The following FNBP1L variants were observed in gnomAD, a reference collection of about 807,000 sequenced individuals.
The protein encoded by FNBP1L is formin binding protein 1 like, also known as formin-binding protein 1-like.
Under a neutral mutation model 91.2 loss-of-function variants are expected in FNBP1L, and 36 were observed. The ratio of observed to expected loss-of-function variants is 0.39; its 90% CI spans 0.30 to 0.52. The LOEUF is 0.52. Ranked by LOEUF, FNBP1L falls within the 20% of genes least tolerant of loss-of-function variation. FNBP1L has a pLI of 0.66. For missense variants in FNBP1L, 571 were observed against 732.1 expected (o/e 0.78, Z 2.54); for synonymous variants, 242 against 237.0 (o/e 1.02, Z -0.19).
At chr1:93,516,322 A>G (rs1330241537) in intron 2 of FNBP1L, among the ~76,000 whole-genome samples, 9 of 152,156 alleles carry the variant, frequency 5.9e-5, no homozygotes, top group African/African-American at 2.4e-5. Context: ...TCTGCAGTCA[A>G]ATGCTCTACC....
At chr1:93,541,431 T>C (rs1255016494) in intron 11 of FNBP1L, among the ~76,000 whole-genome samples, 1 of 152,184 alleles carries the variant, frequency 6.6e-6, no homozygotes, top group Non-Finnish European at 1.5e-5. Flanking sequence ...ATAAATTTGA[T>C]TTGTAGTTTT....
chr1:93,502,524 C>G (rs868101993), intron 2 of FNBP1L, among the ~76,000 whole-genome samples: 8 of 152,102 alleles, frequency 5.3e-5, no homozygotes, highest in African/African-American at 1.7e-4. Context: ...AAATGGCAGA[C>G]TTGTTTGCCT....
chr1:93,544,239 C>G, intron 12 of FNBP1L, 23 bp downstream of exon 12: 2 of 1,539,178 alleles, frequency 1.3e-6, no homozygotes, highest in East Asian at 2.3e-5. Context: ...TAAGTTTTCT[C>G]TATCATTATT....
intron 2 of FNBP1L, among the ~76,000 whole-genome samples, chr1:93,515,656 A>G (rs369176965): frequency 0.028 from 4,172 of 151,274 alleles, 178 homozygotes; most frequent in African/African-American, 0.093. Context: ...TCAGTAAACT[A>G]TCGCAAGCAC....
chr1:93,516,359 T>TA (rs1192971111), intron 2 of FNBP1L, among the ~76,000 whole-genome samples: 2 of 152,170 alleles, frequency 1.3e-5, no homozygotes, highest in East Asian at 1.9e-4. Context: ...CTTTACCTGT[T>TA]AAAAGCTCCC....
chr1:93,474,927 T>A (rs1012345836), intron 1 of FNBP1L, among the ~76,000 whole-genome samples: 1 of 152,210 alleles, frequency 6.6e-6, no homozygotes, highest in Non-Finnish European at 1.5e-5. Context: ...GTAGGAGATA[T>A]ATATATCAAG....
intron 1 of FNBP1L, among the ~76,000 whole-genome samples, chr1:93,494,781 A>G (rs1437929827): frequency 2.0e-5 from 3 of 152,224 alleles, no homozygotes; most frequent in Non-Finnish European, 4.4e-5. Context: ...TAATTGACTC[A>G]CAGTTAGTTC....
chr1:93,490,078 A>G (rs888765335), intron 1 of FNBP1L, among the ~76,000 whole-genome samples: 4 of 152,238 alleles, frequency 2.6e-5, no homozygotes, highest in Non-Finnish European at 5.9e-5. Context: ...CTTTATTGGT[A>G]CTTCATTTGG....
chr1:93,547,204 C>A, intron 13 of FNBP1L, 143 bp from the exon 14 acceptor site: 3 of 877,602 alleles, frequency 3.4e-6, no homozygotes, highest in Non-Finnish European at 5.2e-6. Flanking sequence ...TAAAGTTGAT[C>A]CTTTGACCAG....
chr1:93,510,742 G>A (rs58966833), intron 2 of FNBP1L, among the ~76,000 whole-genome samples: 3,737 of 152,012 alleles, frequency 0.025, 121 homozygotes, highest in African/African-American at 0.081. Context: ...AGAATAACCG[G>A]TACAGAGAAG....
intron 1 of FNBP1L, among the ~76,000 whole-genome samples, chr1:93,448,550 A>C (rs1385268656): frequency 1.3e-5 from 2 of 151,774 alleles, no homozygotes; most frequent in Non-Finnish European, 2.9e-5. Flanking sequence ...GGCGCCCGGG[A>C]CGGCCGGGGG....
intron 11 of FNBP1L, among the ~76,000 whole-genome samples, chr1:93,542,458 A>T (rs1002419063): frequency 6.7e-6 from 1 of 149,844 alleles, no homozygotes; most frequent in South Asian, 2.1e-4. Context: ...AAAAAAAAAA[A>T]AAAAAAAAGC....
At chr1:93,466,055 G>GT (rs911005758) in intron 1 of FNBP1L, among the ~76,000 whole-genome samples, 12 of 150,818 alleles carry the variant, frequency 8.0e-5, no homozygotes, top group East Asian at 2.0e-4. Context: ...GGAGTTGTTT[G>GT]TTTTTTTTTC....
intron 1 of FNBP1L, among the ~76,000 whole-genome samples, chr1:93,498,196 T>G (rs1177662306): frequency 6.6e-6 from 1 of 152,146 alleles, no homozygotes; most frequent in African/African-American, 2.4e-5. Context: ...TGAAGAAGAT[T>G]GTGGGAAGAG....
chr1:93,499,434 C>A, intron 1 of FNBP1L, 34 bp from the exon 2 acceptor site: 1 of 1,375,620 alleles, frequency 7.3e-7, no homozygotes, highest in Non-Finnish European at 1.0e-6. Context: ...AAATTTTAGA[C>A]TTTTGAAAAT....
Position 93,448,190 on chromosome 1 carries a change from A to C in FNBP1L, c.-92A>C. The stretch of plus-strand genomic sequence containing the variant: ...TTCGAGGTAGACCCGCTGAGCTGCT[A>C]GCCCGCCGGCCAGCGAGTGAGAGGT... On this transcript the variant is annotated 5_prime_UTR_variant, in exon 1 of 17. Transcript: ENST00000271234. 2 of 1,477,032 alleles carry C rather than the reference A, an allele frequency of 1.4e-6. No individual in the cohort carries two copies. Among genetic ancestry groups the C allele is most frequent in the Non-Finnish European group, 1.8e-6 (2 of 1,099,088 alleles). 91.5% of individuals were successfully genotyped at this position (1,477,032 alleles called of 1,614,324 possible).
intron 5 of FNBP1L, among the ~76,000 whole-genome samples, chr1:93,528,303 C>T (rs1671555206): frequency 6.6e-6 from 1 of 151,580 alleles, no homozygotes; most frequent in African/African-American, 2.4e-5. Flanking sequence ...TACCACCCTC[C>T]AGGGAGAAAA....
At chr1:93,503,823 A>G (rs1482263839) in intron 2 of FNBP1L, among the ~76,000 whole-genome samples, 4 of 152,216 alleles carry the variant, frequency 2.6e-5, no homozygotes, top group Admixed American at 1.3e-4. Context: ...TAAAAAAAGG[A>G]GCCATATATA....
At chr1:93,486,104 CTG>C (rs1031561437) in intron 1 of FNBP1L, among the ~76,000 whole-genome samples, 3 of 152,290 alleles carry the variant, frequency 2.0e-5, no homozygotes, top group East Asian at 1.9e-4. Flanking sequence ...GTAAATGACA[CTG>C]TGTTAGATGG....
Sources: gnomAD v4.1 joint callset for allele counts (sites outside exome capture counted in the v4.1 genomes callset) on GRCh38, gnomAD v4.1.1 for gene constraint, MANE v1.5 for transcripts, NCBI Gene and HGNC (gene_info 2026-07-23, HGNC 2026-07-21) for gene names.